UGT2B4: variants seen among roughly 807,000 people sequenced by gnomAD.
UGT2B4 encodes the protein UDP-glucuronosyltransferase 2B4.
UGT2B4 carries 49 observed loss-of-function variants against 49.8 expected under a neutral mutation model. The ratio of observed to expected loss-of-function variants is 0.98; its 90% confidence interval spans 0.78 to 1.25. The LOEUF (loss-of-function observed/expected upper bound fraction) is 1.25. UGT2B4 is among the 50% of genes most tolerant of loss of function. UGT2B4 has a pLI of 0.00. For synonymous variants in UGT2B4, 246 were observed against 217.7 expected, an observed-to-expected ratio of 1.13 and a Z score of -1.14; for missense variants, 729 against 627.7, an observed-to-expected ratio of 1.16 and a Z score of -1.73.
chr4:69,499,571 G>T (rs1236668654), upstream of UGT2B4, among the ~76,000 whole-genome samples: 1 of 152,126 alleles, frequency 6.6e-6, no homozygotes, highest in Non-Finnish European at 1.5e-5. Context: ...ATATATTTAG[G>T]ATAGTTAGCT....
chr4:69,500,606 G>GAAGAAAGAAGAAAGA (rs1728283505), upstream of UGT2B4, among the ~76,000 whole-genome samples: 1 of 99,510 alleles, frequency 1.0e-5, no homozygotes, highest in African/African-American at 4.3e-5. Context: ...AGAAAGCAAG[G>GAAGAAAGAAGAAAGA]AAGAAAGAAA....
chr4:69,493,371 C>A (rs1489120132), intron 2 of UGT2B4, among the ~76,000 whole-genome samples: 1 of 152,088 alleles, frequency 6.6e-6, no homozygotes, highest in African/African-American at 2.4e-5. Context: ...AACTGTGTCC[C>A]ATACACGTAC....
At chr4:69,502,298 T>C (rs972136133) in intron 1 of UGT2B4, among the ~76,000 whole-genome samples, 1 of 151,698 alleles carries the variant, frequency 6.6e-6, no homozygotes, top group South Asian at 2.1e-4. Flanking sequence ...ATATGTGCCA[T>C]GGTATTTTGC....
At chr4:69,500,662 A>AAAGAAAGG, upstream of UGT2B4, among the ~76,000 whole-genome samples, 1 of 115,272 alleles carries the variant, frequency 8.7e-6, no homozygotes, top group African/African-American at 2.7e-5. Flanking sequence ...AGAAAGAAAG[A>AAAGAAAGG]AAGAAAGGAA....
intron 1 of UGT2B4, among the ~76,000 whole-genome samples, chr4:69,511,112 C>T (rs1394719994): frequency 6.6e-6 from 1 of 151,566 alleles, no homozygotes; most frequent in East Asian, 1.9e-4. Context: ...CTACCCTACC[C>T]TCCCGAGTAG....
At chr4:69,517,675 T>C (rs1728763787) in intron 1 of UGT2B4, 1 of 154,370 alleles carries the variant, frequency 6.5e-6, no homozygotes, top group Admixed American at 6.5e-5. Context: ...TCTTAATTCT[T>C]TCCTGAAAAA....
chr4:69,499,115 T>G (rs1006906800), upstream of UGT2B4, among the ~76,000 whole-genome samples: 1 of 152,236 alleles, frequency 6.6e-6, no homozygotes, highest in African/African-American at 2.4e-5. Context: ...TTAATTTCAT[T>G]ACTTACTCAG....
chr4:69,480,991 C>G, intron 5 of UGT2B4, 81 bp from the exon 6 acceptor site: 1 of 1,518,564 alleles, frequency 6.6e-7, no homozygotes. Flanking sequence ...GCAATCCCAG[C>G]AGTTTCCGAG....
intron 2 of UGT2B4, among the ~76,000 whole-genome samples, chr4:69,491,019 C>T (rs548985828): frequency 5.9e-5 from 9 of 152,188 alleles, no homozygotes; most frequent in African/African-American, 1.7e-4. Context: ...AGAAGTAGTG[C>T]AAGTTCTAAA....
rs916980448 is a variant in UGT2B4, at chr4:69,493,851, G to A, written c.722-10C>T. The A allele has an allele frequency of 1.5e-5, 23 of 1,545,940 alleles. No homozygotes were observed. The highest frequency in any genetic ancestry group is 4.8e-5 in the East Asian group (2 of 41,666). ...AACGTAGTGGGTCTTCCTGATGGGGGAAAAAAAAAGAAAAGATAGATGACA... is the reference window on the plus strand; with the variant it reads ...AACGTAGTGGGTCTTCCTGATGGGGAAAAAAAAAAGAAAAGATAGATGACA... On this transcript the variant is annotated splice_polypyrimidine_tract_variant and intron_variant, in intron 1 of 5. Coordinates refer to ENST00000305107, the MANE Select transcript of UGT2B4 (RefSeq NM_021139.3).
At chr4:69,499,840 TG>T (rs1464526017), upstream of UGT2B4, among the ~76,000 whole-genome samples, 1 of 152,194 alleles carries the variant, frequency 6.6e-6, no homozygotes, top group Non-Finnish European at 1.5e-5. Flanking sequence ...ATTTTTTAAT[TG>T]GGGCATTTAG....
At chr4:69,495,057 C>T in intron 1 of UGT2B4, 84 bp downstream of exon 1, 1 of 1,318,520 alleles carries the variant, frequency 7.6e-7, no homozygotes, top group Non-Finnish European at 1.0e-6. Context: ...CCCCACTACC[C>T]TGACTTTATG....
intron 1 of UGT2B4, among the ~76,000 whole-genome samples, chr4:69,513,938 T>C (rs1021004064): frequency 2.0e-5 from 3 of 152,352 alleles, no homozygotes; most frequent in African/African-American, 7.2e-5. Flanking sequence ...TCCTGAGCAT[T>C]TGCTGAATTT....
At chr4:69,492,125 G>A (rs1464700136) in intron 2 of UGT2B4, among the ~76,000 whole-genome samples, 1 of 151,982 alleles carries the variant, frequency 6.6e-6, no homozygotes, top group Admixed American at 6.6e-5. Flanking sequence ...TCAGATACGA[G>A]TGGTAGAAAT....
chr4:69,493,270 T>G (rs1002461557), intron 2 of UGT2B4, among the ~76,000 whole-genome samples: 2 of 152,068 alleles, frequency 1.3e-5, no homozygotes, highest in African/African-American at 4.8e-5. Context: ...TTAGCATTGG[T>G]TTTTCTCTGG....
At chr4:69,511,547 T>C (rs1728603513) in intron 1 of UGT2B4, among the ~76,000 whole-genome samples, 1 of 152,110 alleles carries the variant, frequency 6.6e-6, no homozygotes, top group Non-Finnish European at 1.5e-5. Flanking sequence ...TGGAATTAAG[T>C]TTCCCAATTT....
At chr4:69,500,276 G>A (rs1168660438), upstream of UGT2B4, among the ~76,000 whole-genome samples, 1 of 152,156 alleles carries the variant, frequency 6.6e-6, no homozygotes, top group Middle Eastern at 3.4e-3. Context: ...AGGATAAATA[G>A]CTAATGCATT....
upstream of UGT2B4, among the ~76,000 whole-genome samples, chr4:69,498,964 A>G (rs1728233719): frequency 6.6e-6 from 1 of 151,990 alleles, no homozygotes. Flanking sequence ...ATATGTGTCA[A>G]TTTGAGGACT....
At chr4:69,489,235 C>T (rs1409141487) in intron 3 of UGT2B4, among the ~76,000 whole-genome samples, 6 of 152,000 alleles carry the variant, frequency 3.9e-5, no homozygotes. Flanking sequence ...AATATTAATG[C>T]CAAATTAATT....
Sources: gnomAD v4.1 joint callset for allele counts (sites outside exome capture counted in the v4.1 genomes callset) on GRCh38, gnomAD v4.1.1 for gene constraint, MANE v1.5 for transcripts, NCBI Gene and HGNC (gene_info 2026-07-23, HGNC 2026-07-21) for gene names.